STK11: variants seen among roughly 807,000 people sequenced by gnomAD.
The protein encoded by STK11 is serine/threonine kinase 11.
In STK11, 8 loss-of-function variants were observed where a neutral mutation model predicts 47.3. That is an observed-to-expected ratio of 0.17 (90% CI 0.10 to 0.31). STK11 has a LOEUF of 0.31. Ranked by LOEUF, STK11 falls within the 10% of genes least tolerant of loss-of-function variation. The pLI is 1.00. For synonymous variants in STK11, 330 were observed against 255.8 expected (o/e 1.29, Z -2.77); for missense variants, 475 against 605.0 (o/e 0.79, Z 2.25).
In STK11 at chr19:1,206,638, T is replaced by G; in HGVS notation, c.-276T>G. On this transcript the variant is annotated 5_prime_UTR_variant, in exon 1 of 10. Coordinates refer to ENST00000326873, the MANE Select transcript of STK11 (RefSeq NM_000455.5). ...CCGTCTCCCAGTTCTGAGGCCCGGGTCCCACTGGAACTCGCGTCTGAGCCG... is the reference window on the plus strand; with the variant it reads ...CCGTCTCCCAGTTCTGAGGCCCGGGGCCCACTGGAACTCGCGTCTGAGCCG... The G allele has an allele frequency of 2.0e-6, 1 of 509,412 alleles. No homozygotes were observed. The highest frequency in any genetic ancestry group is 3.5e-6 in the Non-Finnish European group (1 of 287,492). The allele number at this position is 509,412 out of a possible 1,614,324, so 31.6% of individuals were successfully genotyped here.
At chr19:1,217,424 T>C (rs550713420) in intron 1 of STK11, among the ~76,000 whole-genome samples, 15 of 152,240 alleles carry the variant, frequency 9.9e-5, no homozygotes, top group Admixed American at 3.3e-4. Flanking sequence ...GGTCTCGAAC[T>C]CCTGAGCTCA....
chr19:1,209,254 GGGCCAGTGACAGTCTCTC>G (rs951302887), intron 1 of STK11, among the ~76,000 whole-genome samples: 6 of 151,998 alleles, frequency 3.9e-5, no homozygotes, highest in African/African-American at 1.4e-4. Context: ...CCCTCTAAAG[GGGCCAGTGACAGTCTCTC>G]TCCCAGCAGT....
Position 1,211,607 on chromosome 19 carries a change from G to T in STK11, c.290+4404G>T, listed in dbSNP as rs539398301. The stretch of plus-strand genomic sequence containing the variant: ...TGCCGTGAGCGCACAGCCTGGCGGT[G>T]TCCCACGGCCCTGCCCTTTCCTGTC... On this transcript the variant is annotated intron_variant, in intron 1 of 9. Coordinates refer to ENST00000326873, the MANE Select transcript of STK11 (RefSeq NM_000455.5). Among the ~76,000 whole-genome samples, 11 of 152,374 alleles carry T rather than the reference G, an allele frequency of 7.2e-5. No individual in the cohort carries two copies. The East Asian group carries it at 2.1e-3, about 29-fold the overall frequency.
At position 1,226,708 on chromosome 19, in the gene STK11, T is replaced by A. The variant is rs577632460; in HGVS notation, c.*16+45T>A. On this transcript the variant is annotated intron_variant, in intron 9 of 9. Coordinates refer to ENST00000326873, the MANE Select transcript of STK11 (RefSeq NM_000455.5). Reference sequence around the variant, plus strand: ...GGGTGGGGCATGTGGGGACAACGCCTGGATGCCACAGCCAGCCGTGAGCAT... The same window carrying A: ...GGGTGGGGCATGTGGGGACAACGCCAGGATGCCACAGCCAGCCGTGAGCAT... 43 of 1,447,398 alleles carry A rather than the reference T, an allele frequency of 3.0e-5. No homozygotes were observed. In the South Asian group the frequency reaches 3.6e-4, roughly 12 times the overall value. 89.7% of individuals were successfully genotyped at this position (1,447,398 alleles called of 1,614,324 possible). A position where few individuals can be genotyped will look rare whatever the true frequency, so the allele number is the denominator to read the frequency against.
chr19:1,205,869 G>A lies in STK11; in HGVS notation c.-1045G>A, dbSNP rs2080660359. On this transcript the variant is annotated 5_prime_UTR_variant, in exon 1 of 10. Coordinates refer to ENST00000326873, the MANE Select transcript of STK11 (RefSeq NM_000455.5). Reference sequence around the variant, plus strand: ...TGAGGCGCGGGGCGGCGAAGGGAGCGCGGGTGGCGGCACTTGCTGCCGCGG... The same window carrying A: ...TGAGGCGCGGGGCGGCGAAGGGAGCACGGGTGGCGGCACTTGCTGCCGCGG... 5.0e-6 allele frequency: 1 copy of A among 199,812 alleles called. No homozygotes were observed. Among genetic ancestry groups the A allele is most frequent in the African/African-American group, 2.3e-5 (1 of 43,406 alleles). The allele number at this position is 199,812 out of a possible 1,614,324, so 12.4% of individuals were successfully genotyped here. A position where few individuals can be genotyped will look rare whatever the true frequency, so the allele number is the denominator to read the frequency against.
rs971590191 is a variant in STK11, at chr19:1,227,974, C to A, written c.*398C>A. On this transcript the variant is annotated 3_prime_UTR_variant, in exon 10 of 10. Coordinates refer to ENST00000326873, the MANE Select transcript of STK11 (RefSeq NM_000455.5). ...AGCTGGCGGGTGTGGAGACCAGGCT[C>A]CTGACCCCGCCATGCATGCAGCGCC... The A allele has an allele frequency of 1.9e-6, 2 of 1,069,054 alleles. No individual in the cohort carries two copies. Among genetic ancestry groups the A allele is most frequent in the African/African-American group, 3.3e-5 (2 of 61,100 alleles). The allele number at this position is 1,069,054 out of a possible 1,614,324, so 66.2% of individuals were successfully genotyped here. A position where few individuals can be genotyped will look rare whatever the true frequency, so the allele number is the denominator to read the frequency against.
chr19:1,206,197 A>T lies in STK11; in HGVS notation c.-717A>T, dbSNP rs2080663413. On this transcript the variant is annotated 5_prime_UTR_variant, in exon 1 of 10. Coordinates refer to ENST00000326873, the MANE Select transcript of STK11 (RefSeq NM_000455.5). ...TCGCGGGCCGGCTCGGGGGGCGCCC[A>T]GTGCGGGCCCTCGCGGGCGCCGGGC... 1 of 165,978 alleles carries T rather than the reference A, an allele frequency of 6.0e-6. No individual in the cohort carries two copies. Among genetic ancestry groups the T allele is most frequent in the African/African-American group, 2.4e-5 (1 of 41,442 alleles). 10.3% of individuals were successfully genotyped at this position (165,978 alleles called of 1,614,324 possible). A position where few individuals can be genotyped will look rare whatever the true frequency, so the allele number is the denominator to read the frequency against.
rs532156264 is a variant in STK11, at chr19:1,219,180, G to A, written c.375-144G>A. 157 of 928,192 alleles carry A rather than the reference G, an allele frequency of 1.7e-4. 1 individual carries two copies. The East Asian group carries it at 3.8e-3, about 22-fold the overall frequency. 57.5% of individuals were successfully genotyped at this position (928,192 alleles called of 1,614,324 possible). Reference sequence around the variant, plus strand: ...GGGGCCCCTGGGCCTTTTCAGAGGGGTGGCTGAGGGCAGGGTGGGCCCTGG... The same window carrying A: ...GGGGCCCCTGGGCCTTTTCAGAGGGATGGCTGAGGGCAGGGTGGGCCCTGG... On this transcript the variant is annotated intron_variant, in intron 2 of 9. Coordinates refer to ENST00000326873, the MANE Select transcript of STK11 (RefSeq NM_000455.5).
intron 1 of STK11, among the ~76,000 whole-genome samples, chr19:1,207,756 A>T (rs1568691203): frequency 1.3e-5 from 2 of 152,342 alleles, no homozygotes; most frequent in East Asian, 3.9e-4. Flanking sequence ...CTCATTTGCC[A>T]GGGATGTGAC....
chr19:1,212,692 C>T (rs2080719524), intron 1 of STK11, among the ~76,000 whole-genome samples: 1 of 152,050 alleles, frequency 6.6e-6, no homozygotes, highest in Non-Finnish European at 1.5e-5. Context: ...AGGTGCCTGC[C>T]ACCAAGCCTG....
chr19:1,206,955 G>T lies in STK11; in HGVS notation c.42G>T (p.Glu14Asp), dbSNP rs758769888. The T allele has an allele frequency of 6.2e-7, 1 of 1,607,016 alleles. No individual in the cohort carries two copies. Among genetic ancestry groups the T allele is most frequent in the Non-Finnish European group, 8.5e-7 (1 of 1,177,090 alleles). Residue 14 changes from glutamate to aspartate, a missense_variant, in exon 1 of 10, where the codon GAG becomes GAT. Glu to Asp is a conservative substitution (Grantham distance 45). Transcript: ENST00000326873. ...CGCAGCAGCTGGGCATGTTCACGGA[G>T]GGCGAGCTGATGTCGGTGGGTATGG... Reference protein sequence around the residue: ...VDPQQLGMFTEGELMSVGMDT... With the variant: ...VDPQQLGMFTDGELMSVGMDT...
Position 1,228,333 on chromosome 19 carries a change from C to G in STK11, c.*757C>G, listed in dbSNP as rs886054225. 45 of 252,786 alleles carry G rather than the reference C, an allele frequency of 1.8e-4. No individual in the cohort carries two copies. The highest frequency in any genetic ancestry group is 9.2e-4 in the African/African-American group (42 of 45,720). 15.7% of individuals were successfully genotyped at this position (252,786 alleles called of 1,614,324 possible). ...ATCCAGAAAAGAAAAACACGAGAAA[C>G]GCCATCGCGGGATGGTGCAGACGCG... is the stretch of plus-strand genomic sequence containing the variant. On this transcript the variant is annotated 3_prime_UTR_variant, in exon 10 of 10. Coordinates refer to ENST00000326873, the MANE Select transcript of STK11 (RefSeq NM_000455.5).
intron 8 of STK11, 149 bp downstream of exon 8, chr19:1,223,321 T>C (rs2080799343): frequency 9.6e-7 from 1 of 1,045,160 alleles, no homozygotes; most frequent in Non-Finnish European, 1.4e-6. Flanking sequence ...ACCTGCAGGC[T>C]GCCTCCGCCC....
chr19:1,224,823 A>G, intron 8 of STK11: 1 of 985,486 alleles, frequency 1.0e-6, no homozygotes, highest in Non-Finnish European at 1.2e-6. Flanking sequence ...AGGCCTCAGT[A>G]CTCAGTACTG....
At chr19:1,212,273 C>CTTTTTT (rs775284754) in intron 1 of STK11, among the ~76,000 whole-genome samples, 1 of 89,836 alleles carries the variant, frequency 1.1e-5, no homozygotes, top group Non-Finnish European at 2.0e-5. Flanking sequence ...TTCTTAACAC[C>CTTTTTT]TTTTTTTTTT....
chr19:1,222,660 C>T (rs1167069301), intron 7 of STK11, among the ~76,000 whole-genome samples: 1 of 152,200 alleles, frequency 6.6e-6, no homozygotes, highest in Non-Finnish European at 1.5e-5. Flanking sequence ...GCCTCCTGGG[C>T]TGGGATGTGC....
chr19:1,211,424 C>T (rs531819594), intron 1 of STK11, among the ~76,000 whole-genome samples: 47 of 151,546 alleles, frequency 3.1e-4, no homozygotes, highest in Admixed American at 2.8e-3. Context: ...GGGGACAGCA[C>T]GGCTAGCTGC....
intron 1 of STK11, 128 bp downstream of exon 1, chr19:1,207,331 C>T (rs2080675089): frequency 1.6e-6 from 2 of 1,281,132 alleles, no homozygotes. Flanking sequence ...ACCCGTCTGG[C>T]GCCTGTGTCC....
chr19:1,215,918 G>A (rs897005442), intron 1 of STK11, among the ~76,000 whole-genome samples: 1 of 151,936 alleles, frequency 6.6e-6, no homozygotes, highest in African/African-American at 2.4e-5. Context: ...TGTATTTTTA[G>A]TAGAGACAAG....
Sources: gnomAD v4.1 joint callset for allele counts (sites outside exome capture counted in the v4.1 genomes callset) on GRCh38, gnomAD v4.1.1 for gene constraint, MANE v1.5 for transcripts, NCBI Gene and HGNC (gene_info 2026-07-23, HGNC 2026-07-21) for gene names.